The following THAP4 variants were observed in gnomAD, a reference collection of about 807,000 sequenced individuals.
THAP4 encodes the protein peroxynitrite isomerase THAP4.
Under a neutral mutation model 48.1 loss-of-function variants are expected in THAP4, and 18 were observed. That is an observed-to-expected ratio of 0.37 (90% CI 0.26 to 0.56). The LOEUF is 0.56. Among genes scored for constraint, THAP4 ranks in the 20% least tolerant of loss-of-function variants. The probability of loss-of-function intolerance (pLI) is 0.78; values close to 1 mark genes in which losing one functional copy is unlikely to be tolerated. For missense variants in THAP4, 656 were observed against 774.9 expected (o/e 0.85, Z 1.82); for synonymous variants, 345 against 324.9 (o/e 1.06, Z -0.66).
At chr2:241,605,982 G>A (rs113528800) in intron 3 of THAP4, among the ~76,000 whole-genome samples, 1,709 of 152,130 alleles carry the variant, frequency 0.011, 32 homozygotes, top group African/African-American at 0.039. Flanking sequence ...TAAAGTGCTG[G>A]GATTACAGGT....
chr2:241,601,731 C>T lies in THAP4; in HGVS notation c.1614+165G>A. On this transcript the variant is annotated intron_variant, in intron 5 of 5. Transcript: ENST00000407315. This position sits in a 1 kb window ranked among gnomAD's most constrained non-coding sequence, Gnocchi z 4.0. Reference sequence around the variant, plus strand: ...AGGAGGGGGCAATGAATTTAGGGAACATCCACCCTGGATGGTCCGAGAAGG... The same window carrying T: ...AGGAGGGGGCAATGAATTTAGGGAATATCCACCCTGGATGGTCCGAGAAGG... The T allele has an allele frequency of 7.4e-7, 1 of 1,346,720 alleles. No homozygotes were observed. The highest frequency in any genetic ancestry group is 1.4e-5 in the South Asian group (1 of 72,122). The allele number at this position is 1,346,720 out of a possible 1,614,324, so 83.4% of individuals were successfully genotyped here. A position where few individuals can be genotyped will look rare whatever the true frequency, so the allele number is the denominator to read the frequency against.
intron 5 of THAP4, among the ~76,000 whole-genome samples, chr2:241,600,150 T>G (rs1009813807): frequency 2.6e-5 from 4 of 152,112 alleles, no homozygotes; most frequent in South Asian, 4.2e-4. Flanking sequence ...GAGCTGAGAT[T>G]GTGCCACTGC....
At chr2:241,632,631 T>C (rs982121852) in intron 2 of THAP4, among the ~76,000 whole-genome samples, 1 of 152,168 alleles carries the variant, frequency 6.6e-6, no homozygotes, top group Non-Finnish European at 1.5e-5. Flanking sequence ...CCCTGTGCAC[T>C]CTCCACGGAG....
At chr2:241,625,054 A>G (rs1027382773) in intron 2 of THAP4, among the ~76,000 whole-genome samples, 7 of 152,244 alleles carry the variant, frequency 4.6e-5, no homozygotes, top group Admixed American at 1.3e-4. Context: ...AAGCCCTGCT[A>G]GCTTCATTGG....
At chr2:241,611,512 C>T (rs1426834077) in intron 2 of THAP4, among the ~76,000 whole-genome samples, 1 of 152,180 alleles carries the variant, frequency 6.6e-6, no homozygotes, top group East Asian at 1.9e-4. Flanking sequence ...CATCTGAGGT[C>T]AGGAGTTCGA....
chr2:241,620,092 G>A (rs1222252548), intron 2 of THAP4, among the ~76,000 whole-genome samples: 4 of 91,750 alleles, frequency 4.4e-5, no homozygotes. Context: ...TGAGGGGTGA[G>A]TGAGTCGGTG....
In THAP4 at chr2:241,634,098, AAAGT is replaced by A; in HGVS notation, c.78-23_78-20del. The A allele has an allele frequency of 6.7e-7, 1 of 1,499,826 alleles. No individual in the cohort carries two copies. The highest frequency in any genetic ancestry group is 8.9e-7 in the Non-Finnish European group (1 of 1,120,192). The allele number at this position is 1,499,826 out of a possible 1,614,324, so 92.9% of individuals were successfully genotyped here. ...GGGGAACCTACAGGACAAATGACAAAAAGTAATTAGAAATAATTAAATGTCTCCC... is the reference window on the plus strand; with the variant it reads ...GGGGAACCTACAGGACAAATGACAAAAATTAGAAATAATTAAATGTCTCCC... On this transcript the variant is annotated intron_variant, in intron 1 of 5. Transcript: ENST00000407315.
rs770948612 is a variant in THAP4, at chr2:241,633,879, C to G, written c.278G>C (p.Gly93Ala). 1 of 1,613,878 alleles carries G rather than the reference C, an allele frequency of 6.2e-7. No homozygotes were observed. The change falls in exon 2 of 6, where the codon GGG (glycine) becomes GCG (alanine). Residue 93 changes from glycine (G) to alanine (A), a missense_variant. Gly to Ala is a moderately conservative substitution (Grantham distance 60). Around this residue, in one of 4 missense-constraint regions of THAP4, gnomAD observed 391 missense variants for 412.4 expected, o/e 0.95. Coordinates refer to ENST00000407315, the MANE Select transcript of THAP4 (RefSeq NM_015963.6). This position sits in a 1 kb window ranked among gnomAD's most constrained non-coding sequence, Gnocchi z 7.5. Reference protein sequence around the residue: ...SIFHLTEKKRGAGGHGRTRRK... With the variant: ...SIFHLTEKKRAAGGHGRTRRK... Reference sequence around the variant, plus strand: ...CCGGGTGCGGCCATGGCCTCCAGCCCCCCTCTTCTTCTCGGTCAGGTGGAA... The same window carrying G: ...CCGGGTGCGGCCATGGCCTCCAGCCGCCCTCTTCTTCTCGGTCAGGTGGAA...
chr2:241,632,588 T>C (rs1279504268), intron 2 of THAP4, among the ~76,000 whole-genome samples: 1 of 152,262 alleles, frequency 6.6e-6, no homozygotes, highest in East Asian at 1.9e-4. Context: ...CTGGAATTTC[T>C]GTTGCATAAG....
At chr2:241,594,739 T>C (rs1367952498) in intron 5 of THAP4, 2 of 166,682 alleles carry the variant, frequency 1.2e-5, no homozygotes, top group Non-Finnish European at 2.6e-5. Flanking sequence ...GCCTAGGTGA[T>C]GGAATGAGAC....
intron 5 of THAP4, chr2:241,592,030 T>C (rs1264166077): frequency 1.3e-5 from 2 of 152,104 alleles, no homozygotes; most frequent in Non-Finnish European, 2.9e-5. Context: ...AAAGGCACAG[T>C]GGAAATGGTC....
At chr2:241,587,062 G>A (rs1483231771) in intron 5 of THAP4, among the ~76,000 whole-genome samples, 2 of 152,210 alleles carry the variant, frequency 1.3e-5, no homozygotes, top group Admixed American at 6.5e-5. Context: ...CCAGAGGTGG[G>A]TGTGGGTGTC....
chr2:241,613,791 C>A (rs777226408), intron 2 of THAP4, among the ~76,000 whole-genome samples: 1 of 152,018 alleles, frequency 6.6e-6, no homozygotes, highest in Non-Finnish European at 1.5e-5. Flanking sequence ...AAAAGTAAAA[C>A]ACAACAAGCA....
intron 5 of THAP4, among the ~76,000 whole-genome samples, chr2:241,589,435 T>C (rs183053723): frequency 6.6e-6 from 1 of 152,182 alleles, no homozygotes; most frequent in African/African-American, 2.4e-5. Context: ...AAAATCTGAA[T>C]GTTCATTTCA....
At chr2:241,602,145 T>C in intron 4 of THAP4, 146 bp from the exon 5 acceptor site, 2 of 728,328 alleles carry the variant, frequency 2.7e-6, no homozygotes. Flanking sequence ...TCCTCCCCAC[T>C]TCACCCTGTG....
intron 2 of THAP4, among the ~76,000 whole-genome samples, chr2:241,632,554 T>C (rs1575040726): frequency 6.6e-6 from 1 of 152,252 alleles, no homozygotes; most frequent in South Asian, 2.1e-4. Context: ...TACTCTCTTA[T>C]TTTCCATCTA....
In THAP4 at chr2:241,620,478, GGTGAGTGAGGA is replaced by G. The variant is rs376852642; in HGVS notation, c.1240+12428_1240+12438del. On this transcript the variant is annotated intron_variant, in intron 2 of 5. Transcript: ENST00000407315. Reference sequence around the variant, plus strand: ...GGGATGAGTGAGGGGTGAGTGAGTTGGTGAGTGAGGAGTGAGTGAGGGGTGAGTGAGGAGTG... The same window carrying G: ...GGGATGAGTGAGGGGTGAGTGAGTTGGTGAGTGAGGGGTGAGTGAGGAGTG... 1.7e-3 allele frequency among the ~76,000 whole-genome samples: 224 copies of G among 130,540 alleles called. 4 individuals are homozygous for G. Among genetic ancestry groups the G allele is most frequent in the African/African-American group, 6.3e-3 (212 of 33,460 alleles). The allele number at this position is 130,540 out of a possible 152,430, so 85.6% of individuals were successfully genotyped here. A position where few individuals can be genotyped will look rare whatever the true frequency, so the allele number is the denominator to read the frequency against.
At chr2:241,620,841 A>G (rs2067421516) in intron 2 of THAP4, among the ~76,000 whole-genome samples, 1 of 152,058 alleles carries the variant, frequency 6.6e-6, no homozygotes, top group African/African-American at 2.4e-5. Flanking sequence ...CTCCATTATA[A>G]TCTTACGGGA....
At chr2:241,592,783 C>G (rs913794900) in intron 5 of THAP4, among the ~76,000 whole-genome samples, 1 of 152,190 alleles carries the variant, frequency 6.6e-6, no homozygotes, top group African/African-American at 2.4e-5. Context: ...ACGCTATGGC[C>G]GGCAGCATCA....
Sources: gnomAD v4.1 joint callset for allele counts (sites outside exome capture counted in the v4.1 genomes callset) on GRCh38, gnomAD v4.1.1 for gene constraint, gnomAD v4.1.1 regional missense constraint, Gnocchi (gnomAD v3.1) non-coding constraint, MANE v1.5 for transcripts, NCBI Gene and HGNC (gene_info 2026-07-23, HGNC 2026-07-21) for gene names.